The following TENM1 variants were observed in gnomAD, a reference collection of about 807,000 sequenced individuals.
TENM1 encodes the protein teneurin-1.
In TENM1, 35 loss-of-function variants were observed where a neutral mutation model predicts 174.8. The ratio of observed to expected loss-of-function variants is 0.20; its 90% CI spans 0.15 to 0.27. TENM1 has a LOEUF of 0.27. Among genes scored for constraint, TENM1 ranks in the 10% least tolerant of loss-of-function variants. The pLI is 1.00. For synonymous variants in TENM1, 781 were observed against 798.7 expected (o/e 0.98, Z 0.37); for missense variants, 1,633 against 2,130.1 (o/e 0.77, Z 4.59).
chrX:125,000,118 T>C, the TENM1 span, among the ~76,000 whole-genome samples: 297 of 112,044 alleles, frequency 2.7e-3, 1 homozygote, highest in African/African-American at 9.2e-3. Flanking sequence ...AAGTGTGAGA[T>C]AATAATGAAT....
chrX:124,922,964 A>C (rs1257306269), intron 1 of TENM1, among the ~76,000 whole-genome samples: 1 of 111,799 alleles, frequency 8.9e-6, no homozygotes, highest in Non-Finnish European at 1.9e-5. Flanking sequence ...AAAGTACATG[A>C]TAAATTTTGT....
chrX:124,740,576 A>G (rs1047340865), intron 3 of TENM1, among the ~76,000 whole-genome samples: 16 of 111,556 alleles, frequency 1.4e-4, no homozygotes, highest in African/African-American at 4.9e-4. Context: ...AAATATGTGG[A>G]AGTTTCCCTG....
intron 8 of TENM1, among the ~76,000 whole-genome samples, chrX:124,647,398 C>T (rs2051186439): frequency 9.0e-6 from 1 of 111,391 alleles, no homozygotes; most frequent in Non-Finnish European, 1.9e-5. Flanking sequence ...TTGAGAAATG[C>T]TTTCTGAACT....
the TENM1 span, among the ~76,000 whole-genome samples, chrX:125,064,148 C>T: frequency 4.9e-4 from 37 of 75,079 alleles, no homozygotes; most frequent in African/African-American, 1.5e-3. Context: ...CATCACACAC[C>T]GGGGCCGTTG....
At chrX:124,444,446 G>A (rs1053933049) in intron 23 of TENM1, among the ~76,000 whole-genome samples, 6 of 112,016 alleles carry the variant, frequency 5.4e-5, no homozygotes, top group African/African-American at 1.9e-4. Context: ...TTTAGCTGTG[G>A]TTCTTTAATC....
the TENM1 span, among the ~76,000 whole-genome samples, chrX:125,201,279 AT>A: frequency 8.9e-6 from 1 of 112,430 alleles, no homozygotes; most frequent in Non-Finnish European, 1.9e-5. Flanking sequence ...ATTCTAGGGT[AT>A]TCAGACTGAA....
intron 3 of TENM1, among the ~76,000 whole-genome samples, chrX:124,836,591 T>C (rs998240393): frequency 1.8e-5 from 2 of 112,559 alleles, no homozygotes; most frequent in Admixed American, 9.4e-5. Context: ...CTTATTTGCC[T>C]GACTGCTGGT....
At chrX:125,162,384 A>G in the TENM1 span, among the ~76,000 whole-genome samples, 2 of 112,191 alleles carry the variant, frequency 1.8e-5, no homozygotes, top group Admixed American at 1.9e-4. Flanking sequence ...TAACTCACTC[A>G]CTGCAATATG....
At chrX:124,543,271 C>T (rs113906589) in intron 15 of TENM1, among the ~76,000 whole-genome samples, 8,333 of 111,989 alleles carry the variant, frequency 0.074, 398 homozygotes, top group East Asian at 0.43. Context: ...GTTGGATCTC[C>T]TAATTTCTAA....
At chrX:124,958,480 G>A (rs1292723862) in intron 1 of TENM1, among the ~76,000 whole-genome samples, 3 of 111,422 alleles carry the variant, frequency 2.7e-5, no homozygotes, top group African/African-American at 9.8e-5. Context: ...CCTTATAAAC[G>A]CTTGGTCACT....
chrX:124,634,511 A>C (rs2050833047), intron 11 of TENM1, among the ~76,000 whole-genome samples: 1 of 111,155 alleles, frequency 9.0e-6, no homozygotes, highest in South Asian at 3.8e-4. Context: ...TGGCATGATG[A>C]ATAGCTGCGT....
At chrX:124,952,719 T>TG (rs1446682386) in intron 1 of TENM1, among the ~76,000 whole-genome samples, 3 of 111,457 alleles carry the variant, frequency 2.7e-5, no homozygotes, top group Non-Finnish European at 5.7e-5. Context: ...ATGAAAGGTT[T>TG]GGGTGTGTCC....
chrX:124,834,135 A>T, intron 3 of TENM1, among the ~76,000 whole-genome samples: 1 of 111,666 alleles, frequency 9.0e-6, no homozygotes, highest in Non-Finnish European at 1.9e-5. Context: ...TGATGCAAAG[A>T]AAAATATATA....
At chrX:124,508,474 T>C (rs942171282) in intron 18 of TENM1, among the ~76,000 whole-genome samples, 4 of 112,404 alleles carry the variant, frequency 3.6e-5, no homozygotes, top group Non-Finnish European at 1.9e-5. Flanking sequence ...CTGGACATGA[T>C]GTATTATCCT....
chrX:124,687,022 C>T (rs776463322), intron 5 of TENM1, among the ~76,000 whole-genome samples: 3 of 111,561 alleles, frequency 2.7e-5, no homozygotes, highest in Admixed American at 1.9e-4. Flanking sequence ...AAAACCTCAT[C>T]GTCTCAGCCC....
chrX:125,056,436 T>A, the TENM1 span, among the ~76,000 whole-genome samples: 2 of 111,703 alleles, frequency 1.8e-5, no homozygotes, highest in Non-Finnish European at 1.9e-5. Context: ...AGACTATAAT[T>A]AGACTTTTTT....
intron 4 of TENM1, among the ~76,000 whole-genome samples, chrX:124,728,716 A>G (rs1478467640): frequency 9.0e-6 from 1 of 111,448 alleles, no homozygotes; most frequent in Admixed American, 9.5e-5. Context: ...ACTGTTATTT[A>G]TTTACCTTTG....
chrX:124,829,745 C>T (rs1195921528), intron 3 of TENM1, among the ~76,000 whole-genome samples: 2 of 112,213 alleles, frequency 1.8e-5, no homozygotes, highest in East Asian at 5.6e-4. Context: ...GACAACTTCA[C>T]TATTTCCTGT....
At chrX:125,185,827 G>T in the TENM1 span, among the ~76,000 whole-genome samples, 1 of 112,040 alleles carries the variant, frequency 8.9e-6, no homozygotes, top group African/African-American at 3.2e-5. Context: ...TGGAGATGAG[G>T]GTTGTGAATA....
Sources: allele counts gnomAD v4.1 joint callset (sites outside exome capture counted in the v4.1 genomes callset), GRCh38; gene constraint gnomAD v4.1.1; transcripts MANE v1.5; gene names NCBI Gene and HGNC (gene_info 2026-07-23, HGNC 2026-07-21).